PTPRN2: variants seen among roughly 807,000 people sequenced by gnomAD.
The protein encoded by PTPRN2 is receptor-type tyrosine-protein phosphatase N2.
In PTPRN2, 74 loss-of-function variants were observed where a neutral mutation model predicts 118.8. The ratio of observed to expected loss-of-function variants is 0.62; its 90% CI spans 0.52 to 0.76. The LOEUF is 0.76. Among genes scored for constraint, PTPRN2 ranks in the 30% least tolerant of loss-of-function variants. The pLI is 0.00. For synonymous variants in PTPRN2, 641 were observed against 608.0 expected, an observed-to-expected ratio of 1.05 and a Z score of -0.80; for missense variants, 1,481 against 1,394.4, an observed-to-expected ratio of 1.06 and a Z score of -0.99.
intron 2 of PTPRN2, among the ~76,000 whole-genome samples, chr7:158,423,659 G>A (rs896651990): frequency 6.6e-6 from 1 of 152,026 alleles, no homozygotes; most frequent in African/African-American, 2.4e-5. Context: ...TCAGCCTCCT[G>A]AGTAGCTGAG....
At position 158,529,139 on chromosome 7, in the gene PTPRN2, A is replaced by G. The variant is rs1825024751; in HGVS notation, c.113-39354T>C. On this transcript the variant is annotated intron_variant, in intron 1 of 22. Transcript: ENST00000389418. The surrounding 1 kb of genome is among the most constrained non-coding windows in gnomAD (Gnocchi z 4.7). Reference sequence around the variant, plus strand: ...AGGCAGACAGACAATAATAACAATGATGCCTGGGACACAGGACATTAGAAT... The same window carrying G: ...AGGCAGACAGACAATAATAACAATGGTGCCTGGGACACAGGACATTAGAAT... 6.6e-6 allele frequency among the ~76,000 whole-genome samples: 1 copy of G among 152,202 alleles called. No homozygotes were observed. The highest frequency in any genetic ancestry group is 6.5e-5 in the Admixed American group (1 of 15,284).
chr7:158,230,846 T>G (rs1484161953), intron 3 of PTPRN2, among the ~76,000 whole-genome samples: 1 of 152,202 alleles, frequency 6.6e-6, no homozygotes, highest in Non-Finnish European at 1.5e-5. Context: ...TGAATTTAAA[T>G]GTACTCAATT....
chr7:157,702,515 C>T (rs933820125), intron 12 of PTPRN2, among the ~76,000 whole-genome samples: 30 of 152,214 alleles, frequency 2.0e-4, no homozygotes, highest in Non-Finnish European at 3.5e-4. Context: ...TGCCTGCCCA[C>T]GCTCACTGGC....
rs138021087 is a variant in PTPRN2, at chr7:158,422,125, A to G, written c.163+67610T>C. Among the ~76,000 whole-genome samples, 12 of 152,362 alleles carry G rather than the reference A, an allele frequency of 7.9e-5. No homozygotes were observed. The East Asian group carries it at 2.3e-3, about 29-fold the overall frequency. On this transcript the variant is annotated intron_variant, in intron 2 of 22. Coordinates refer to ENST00000389418, the MANE Select transcript of PTPRN2 (RefSeq NM_002847.5). ...AGTATCACTAAAACGCAATTTTGCT[A>G]GAATCCATTAATTTTACGAGCTGAC...
At chr7:158,470,512 C>T (rs981991310) in intron 2 of PTPRN2, among the ~76,000 whole-genome samples, 32 of 152,146 alleles carry the variant, frequency 2.1e-4, no homozygotes, top group African/African-American at 6.8e-4. Context: ...ACAAGCAAGA[C>T]GTGGTGTGTC....
chr7:158,333,419 C>CCCACACTCTCTCCA (rs1804901357), intron 2 of PTPRN2, among the ~76,000 whole-genome samples: 1 of 145,060 alleles, frequency 6.9e-6, no homozygotes, highest in African/African-American at 2.7e-5. Context: ...CACACCCACA[C>CCCACACTCTCTCCA]TGTCACCATA....
chr7:158,350,093 C>T (rs1024658046), intron 2 of PTPRN2, among the ~76,000 whole-genome samples: 2 of 152,138 alleles, frequency 1.3e-5, no homozygotes, highest in Non-Finnish European at 2.9e-5. Context: ...AATGGCTGCA[C>T]CAAGATGTAT....
At chr7:157,672,700 T>C (rs1796477162) in intron 13 of PTPRN2, among the ~76,000 whole-genome samples, 1 of 152,244 alleles carries the variant, frequency 6.6e-6, no homozygotes, top group African/African-American at 2.4e-5. Flanking sequence ...TACATCAATG[T>C]GAGAATAGTC....
chr7:157,906,684 C>T (rs1345932880), intron 11 of PTPRN2, among the ~76,000 whole-genome samples: 1 of 152,146 alleles, frequency 6.6e-6, no homozygotes, highest in Non-Finnish European at 1.5e-5. Flanking sequence ...GCTTCTCACT[C>T]ACTACTGTGC....
rs145853454 is a variant in PTPRN2, at chr7:157,819,250, T to C, written c.1788+79423A>G. Reference sequence around the variant, plus strand: ...TCATTTGGCGCTGGGTCTTCCAAAGTGAGCCCTCACCCCCATGCCTCATCA... The same window carrying C: ...TCATTTGGCGCTGGGTCTTCCAAAGCGAGCCCTCACCCCCATGCCTCATCA... On this transcript the variant is annotated intron_variant, in intron 12 of 22. Transcript: ENST00000389418. Among the ~76,000 whole-genome samples, 521 of 152,238 alleles carry C rather than the reference T, an allele frequency of 3.4e-3. 4 individuals carry two copies. Among genetic ancestry groups the C allele is most frequent in the African/African-American group, 0.012 (486 of 41,534 alleles).
rs1803588092 is a variant in PTPRN2 at position 157,780,162 on chromosome 7, C to T, written c.1789-97225G>A. Among the ~76,000 whole-genome samples the T allele has an allele frequency of 6.6e-6, 1 of 152,176 alleles. No individual in the cohort carries two copies. The highest frequency in any genetic ancestry group is 1.5e-5 in the Non-Finnish European group (1 of 68,030). On this transcript the variant is annotated intron_variant, in intron 12 of 22. Transcript: ENST00000389418. The surrounding 1 kb of genome is among the most constrained non-coding windows in gnomAD (Gnocchi z 4.5). ...TTGTTTATGATCCCACCACGTATCT[C>T]TACTATTAAAGAATTAGCCTCTGGG...
At position 158,081,275 on chromosome 7, in the gene PTPRN2, C is replaced by A. The variant is rs544427856; in HGVS notation, c.1723+23G>T. Reference sequence around the variant, plus strand: ...GTGCACACACGTGTGTGTGCGTGTACGTGTGTGTGGAAACAGCCTCACCTG... The same window carrying A: ...GTGCACACACGTGTGTGTGCGTGTAAGTGTGTGTGGAAACAGCCTCACCTG... On this transcript the variant is annotated intron_variant, in intron 11 of 22. Coordinates refer to ENST00000389418, the MANE Select transcript of PTPRN2 (RefSeq NM_002847.5). 8 of 1,599,326 alleles carry A rather than the reference C, an allele frequency of 5.0e-6. No homozygotes were observed. In the East Asian group the frequency reaches 1.3e-4, roughly 27 times the overall value.
Position 158,100,278 on chromosome 7 carries a change from T to TGC in PTPRN2, c.1643+10549_1643+10550dup, listed in dbSNP as rs1554539623. On this transcript the variant is annotated intron_variant, in intron 10 of 22. Coordinates refer to ENST00000389418, the MANE Select transcript of PTPRN2 (RefSeq NM_002847.5). ...GTGTGTGTGTGTGTGTGTGTGTGTG[T>TGC]GCCACGATTTCTTTATCTACTCATT... Among the ~76,000 whole-genome samples, 395 of 149,586 alleles carry TGC rather than the reference T, an allele frequency of 2.6e-3. 2 individuals are homozygous for TGC. The highest frequency in any genetic ancestry group is 9.0e-3 in the African/African-American group (364 of 40,504).
intron 5 of PTPRN2, among the ~76,000 whole-genome samples, chr7:158,180,271 G>T (rs1293738746): frequency 1.3e-5 from 2 of 152,236 alleles, no homozygotes; most frequent in African/African-American, 4.8e-5. Context: ...CTTTTTCAAA[G>T]ATCAGTTGGT....
intron 11 of PTPRN2, among the ~76,000 whole-genome samples, chr7:157,901,882 G>A (rs1039819388): frequency 1.4e-5 from 2 of 140,368 alleles, no homozygotes; most frequent in African/African-American, 2.8e-5. Flanking sequence ...GTCCTGAGGC[G>A]GGGCCTTCCC....
chr7:157,621,139 T>G (rs13308719), intron 15 of PTPRN2, among the ~76,000 whole-genome samples: 12,146 of 37,580 alleles, frequency 0.32, 1,192 homozygotes, highest in Non-Finnish European at 0.37. Context: ...TGTAACCCAG[T>G]CCTCCCGCCC....
chr7:157,650,061 G>A (rs938055013), intron 14 of PTPRN2, among the ~76,000 whole-genome samples: 1 of 152,204 alleles, frequency 6.6e-6, no homozygotes, highest in Non-Finnish European at 1.5e-5. Flanking sequence ...CCCCAGGCCC[G>A]CAGGAGTGAG....
At position 158,093,063 on chromosome 7, in the gene PTPRN2, T is replaced by C. The variant is rs889078169; in HGVS notation, c.1644-11686A>G. ...CACTAGAATCACAACTTCGGCGTTC[T>C]TGGCTGAGAGCCTTCTGCGAGGCAC... On this transcript the variant is annotated intron_variant, in intron 10 of 22. Transcript: ENST00000389418. The surrounding 1 kb of genome is among the most constrained non-coding windows in gnomAD (Gnocchi z 4.4). Among the ~76,000 whole-genome samples, 1 of 152,232 alleles carries C rather than the reference T, an allele frequency of 6.6e-6. No homozygotes were observed. The highest frequency in any genetic ancestry group is 2.4e-5 in the African/African-American group (1 of 41,448).
At chr7:158,063,122 T>C (rs1049276773) in intron 11 of PTPRN2, among the ~76,000 whole-genome samples, 2 of 152,244 alleles carry the variant, frequency 1.3e-5, no homozygotes, top group Non-Finnish European at 2.9e-5. Flanking sequence ...CTAAGGTTTG[T>C]AAATACACCA....
Sources: gnomAD v4.1 joint callset for allele counts (sites outside exome capture counted in the v4.1 genomes callset) on GRCh38, gnomAD v4.1.1 for gene constraint, Gnocchi (gnomAD v3.1) non-coding constraint, MANE v1.5 for transcripts, NCBI Gene and HGNC (gene_info 2026-07-23, HGNC 2026-07-21) for gene names.